Variants in GHRH observed in about 807,000 individuals in gnomAD.
GHRH encodes the protein somatoliberin.
A neutral mutation model predicts 15.6 loss-of-function variants in GHRH; 7 were observed. The observed-to-expected ratio is 0.45, with a 90% CI of 0.26 to 0.84. The LOEUF (loss-of-function observed/expected upper bound fraction) is 0.84. Ranked by LOEUF, GHRH falls within the 40% of genes least tolerant of loss-of-function variation. The probability of loss-of-function intolerance (pLI) is 0.18; values close to 1 mark genes in which losing one functional copy is unlikely to be tolerated. For synonymous variants in GHRH, 54 were observed against 50.4 expected (o/e 1.07, Z -0.30); for missense variants, 117 against 138.0 (o/e 0.85, Z 0.76).
chr20:37,255,886 TGTG>T (rs1384111181), intron 3 of GHRH, among the ~76,000 whole-genome samples: 2 of 152,022 alleles, frequency 1.3e-5, no homozygotes, highest in Admixed American at 6.6e-5. Flanking sequence ...AATAGTCAGT[TGTG>T]GTGGTGCACA....
intron 1 of GHRH, among the ~76,000 whole-genome samples, chr20:37,257,388 G>A (rs1423613512): frequency 6.6e-6 from 1 of 151,788 alleles, no homozygotes; most frequent in African/African-American, 2.4e-5. Flanking sequence ...GGTGGCGTGT[G>A]CCTGTAATCC....
chr20:37,256,458 G>A lies in GHRH; in HGVS notation c.124C>T (p.Arg42Trp), dbSNP rs765871814. ...GCGGACAGCTGGCCCAGCACCTTCCGGTAGCTGTTGGTGAAGATGGCATCT... is the reference window on the plus strand; with the variant it reads ...GCGGACAGCTGGCCCAGCACCTTCCAGTAGCTGTTGGTGAAGATGGCATCT... ...YADAIFTNSY[R>W]KVLGQLSARK... The change falls in exon 3 of 5, where the codon CGG (arginine) becomes TGG (tryptophan). Residue 42 changes from arginine (R) to tryptophan (W), a missense_variant. Coordinates refer to ENST00000373614, the MANE Select transcript of GHRH (RefSeq NM_021081.6). 9.3e-6 allele frequency: 15 copies of A among 1,613,226 alleles called. No homozygotes were observed. Among genetic ancestry groups the A allele is most frequent in the African/African-American group, 2.7e-5 (2 of 74,906 alleles).
At position 37,258,987 on chromosome 20, in the gene GHRH, G is replaced by A. The variant is rs938238225; in HGVS notation, c.-19-2079C>T. 1.3e-5 allele frequency among the ~76,000 whole-genome samples: 2 copies of A among 151,980 alleles called. No homozygotes were observed. The highest frequency in any genetic ancestry group is 6.6e-5 in the Admixed American group (1 of 15,248). On this transcript the variant is annotated intron_variant, in intron 1 of 4. Coordinates refer to ENST00000373614, the MANE Select transcript of GHRH (RefSeq NM_021081.6). This position sits in a 1 kb window ranked among gnomAD's most constrained non-coding sequence, Gnocchi z 4.1. ...ACCCCCGGGCTTAAGTGATCCCCCC[G>A]CCTCAGCCTCCCAAAGAGTTGAGCT...
intron 1 of GHRH, among the ~76,000 whole-genome samples, chr20:37,259,916 C>T (rs970119165): frequency 2.6e-5 from 4 of 152,196 alleles, no homozygotes; most frequent in African/African-American, 9.7e-5. Flanking sequence ...TCACAGGGAT[C>T]CTCAGCCTCC....
In GHRH at chr20:37,251,185, C is replaced by T. The variant is rs2068618864; in HGVS notation, c.*28G>A. The T allele has an allele frequency of 6.4e-7, 1 of 1,572,052 alleles. No homozygotes were observed. The highest frequency in any genetic ancestry group is 8.7e-7 in the Non-Finnish European group (1 of 1,153,690). The stretch of plus-strand genomic sequence containing the variant: ...ACTGGATCCAGTTGCATTTTGGCTA[C>T]AGGTAGCCCGGGTCACAGGAGGAAT... On this transcript the variant is annotated 3_prime_UTR_variant, in exon 5 of 5. Transcript: ENST00000373614.
chr20:37,257,290 G>A (rs780259634), intron 1 of GHRH, among the ~76,000 whole-genome samples: 6 of 152,122 alleles, frequency 3.9e-5, no homozygotes, highest in South Asian at 4.2e-4. Flanking sequence ...TGAGGTGGGC[G>A]GATCACCTGA....
chr20:37,258,236 C>T lies in GHRH; in HGVS notation c.-19-1328G>A, dbSNP rs915526825. On this transcript the variant is annotated intron_variant, in intron 1 of 4. Coordinates refer to ENST00000373614, the MANE Select transcript of GHRH (RefSeq NM_021081.6). This position sits in a 1 kb window ranked among gnomAD's most constrained non-coding sequence, Gnocchi z 4.1. ...ACCTAGGAATTGGGTCCTCCCATCTCCCATGGGTTTCTCCCTCTCTCAGCA... is the reference window on the plus strand; with the variant it reads ...ACCTAGGAATTGGGTCCTCCCATCTTCCATGGGTTTCTCCCTCTCTCAGCA... Among the ~76,000 whole-genome samples the T allele has an allele frequency of 3.3e-5, 5 of 152,196 alleles. No homozygotes were observed. The highest frequency in any genetic ancestry group is 1.2e-4 in the African/African-American group (5 of 41,456).
At chr20:37,254,507 C>T (rs750227370) in intron 3 of GHRH, among the ~76,000 whole-genome samples, 178 bp from the exon 4 acceptor site, 2 of 152,096 alleles carry the variant, frequency 1.3e-5, no homozygotes, top group Non-Finnish European at 2.9e-5. Context: ...TACAAGTGTA[C>T]ACAGTTGCAA....
At position 37,254,206 on chromosome 20, in the gene GHRH, A is replaced by G. The variant is rs2068641184; in HGVS notation, c.308+4T>C. 10 of 1,614,072 alleles carry G rather than the reference A, an allele frequency of 6.2e-6. No homozygotes were observed. The highest frequency in any genetic ancestry group is 8.5e-6 in the Non-Finnish European group (10 of 1,179,982). ...TAGATGCACCCATGCACACACACCC[A>G]TACCTGTGCTTCTGCAGCAGGGCCA... On this transcript the variant is annotated splice_donor_region_variant and intron_variant, in intron 4 of 4. Transcript: ENST00000373614.
chr20:37,252,128 T>A (rs2068624735), intron 4 of GHRH, among the ~76,000 whole-genome samples: 1 of 152,228 alleles, frequency 6.6e-6, no homozygotes, highest in African/African-American at 2.4e-5. Context: ...TTAGAGACAT[T>A]ATTTTTGAAC....
In GHRH at chr20:37,254,282, A is replaced by G. The variant is rs1207638279; in HGVS notation, c.236T>C (p.Val79Ala). The change falls in exon 4 of 5, where the codon GTA becomes GCA. Residue 79 changes from valine to alanine, a missense_variant. By Grantham distance (64) the Val-to-Ala change is moderately conservative. Coordinates refer to ENST00000373614, the MANE Select transcript of GHRH (RefSeq NM_021081.6). ...CTTTTGTTCTGCCCACATGCTGTCT[A>G]CCTGACGACCAAGCCGTGCCCTTGC... Reference protein sequence around the residue: ...RGARARLGRQVDSMWAEQKQM... With the variant: ...RGARARLGRQADSMWAEQKQM... 2 of 1,614,074 alleles carry G rather than the reference A, an allele frequency of 1.2e-6. No homozygotes were observed. Among genetic ancestry groups the G allele is most frequent in the Non-Finnish European group, 8.5e-7 (1 of 1,179,942 alleles).
At chr20:37,254,360 TA>T in intron 3 of GHRH, 31 bp from the exon 4 acceptor site, 1 of 1,613,800 alleles carries the variant, frequency 6.2e-7, no homozygotes, top group Non-Finnish European at 8.5e-7. Flanking sequence ...AACTAGTTGC[TA>T]TTTGGGTAGG....
At chr20:37,253,679 T>C (rs2068636192) in intron 4 of GHRH, among the ~76,000 whole-genome samples, 1 of 152,210 alleles carries the variant, frequency 6.6e-6, no homozygotes, top group Non-Finnish European at 1.5e-5. Flanking sequence ...CCTCCAGTGA[T>C]CCTTCCCCAT....
intron 4 of GHRH, among the ~76,000 whole-genome samples, chr20:37,253,013 T>G (rs1162202627): frequency 6.6e-6 from 1 of 152,158 alleles, no homozygotes; most frequent in African/African-American, 2.4e-5. Flanking sequence ...GCCTGGGTGA[T>G]GAGAGTGAAA....
rs1251886783 is a variant in GHRH, at chr20:37,254,293, A to AAGCC, written c.221_224dup (p.Gly76AlafsTer54). 1.2e-6 allele frequency: 2 copies of AAGCC among 1,613,958 alleles called. No individual in the cohort carries two copies. Among genetic ancestry groups the AAGCC allele is most frequent in the Non-Finnish European group, 1.7e-6 (2 of 1,179,978 alleles). The stretch of plus-strand genomic sequence containing the variant: ...CCCACATGCTGTCTACCTGACGACC[A>AAGCC]AGCCGTGCCCTTGCTCCTCGCTCTT... On this transcript the variant is annotated frameshift_variant, in exon 4 of 5. Coordinates refer to ENST00000373614, the MANE Select transcript of GHRH (RefSeq NM_021081.6). LOFTEE classifies it high-confidence loss of function.
chr20:37,256,695 C>A, intron 2 of GHRH, 112 bp downstream of exon 2: 1 of 876,722 alleles, frequency 1.1e-6, no homozygotes, highest in Non-Finnish European at 1.8e-6. Flanking sequence ...GTGGGTGCTG[C>A]CTGGAGACAT....
At chr20:37,251,335 C>A in intron 4 of GHRH, 104 bp from the exon 5 acceptor site, 1 of 887,744 alleles carries the variant, frequency 1.1e-6, no homozygotes, top group South Asian at 1.8e-5. Context: ...CAGGAGCTGG[C>A]CTTTTGGATT....
chr20:37,251,099 C>T lies in GHRH; in HGVS notation c.*114G>A, dbSNP rs781069557. 2.4e-5 allele frequency: 15 copies of T among 633,800 alleles called. No individual in the cohort carries two copies. Among genetic ancestry groups the T allele is most frequent in the East Asian group, 3.0e-5 (1 of 33,428 alleles). The allele number at this position is 633,800 out of a possible 1,614,324, so 39.3% of individuals were successfully genotyped here. ...GAGAAAAGAACATTTAAATGCACAC[C>T]GGTATGGGGGAATTTTATTGTATTT... On this transcript the variant is annotated 3_prime_UTR_variant, in exon 5 of 5. Coordinates refer to ENST00000373614, the MANE Select transcript of GHRH (RefSeq NM_021081.6).
chr20:37,252,017 GC>G (rs1286087719), intron 4 of GHRH, among the ~76,000 whole-genome samples: 1 of 152,172 alleles, frequency 6.6e-6, no homozygotes, highest in African/African-American at 2.4e-5. Flanking sequence ...CTTAGGATTA[GC>G]CCTCCATGGA....
Sources: gnomAD v4.1 joint callset for allele counts (sites outside exome capture counted in the v4.1 genomes callset) on GRCh38, gnomAD v4.1.1 for gene constraint, Gnocchi (gnomAD v3.1) non-coding constraint, MANE v1.5 for transcripts, NCBI Gene and HGNC (gene_info 2026-07-23, HGNC 2026-07-21) for gene names.